Variants in NELL1 observed in about 807,000 individuals in gnomAD.
NELL1 encodes neural EGFL like 1.
In NELL1, 76 loss-of-function variants were observed where a neutral mutation model predicts 107.4. That is an observed-to-expected ratio of 0.71 (90% confidence interval 0.59 to 0.86). The LOEUF (loss-of-function observed/expected upper bound fraction) is 0.86. Among genes scored for constraint, NELL1 ranks in the 40% least tolerant of loss-of-function variants. The pLI, the probability that NELL1 is intolerant of heterozygous loss-of-function variation, is 0.00. For synonymous variants in NELL1, 353 were observed against 341.2 expected (o/e 1.03, Z -0.38); for missense variants, 1,024 against 1,005.5 (o/e 1.02, Z -0.25).
chr11:21,557,454 T>C (rs1221996402), intron 16 of NELL1, among the ~76,000 whole-genome samples: 1 of 152,020 alleles, frequency 6.6e-6, no homozygotes, highest in Non-Finnish European at 1.5e-5. Flanking sequence ...GCATTAGTTG[T>C]CAATGTAGAT....
In NELL1 at chr11:21,176,361, A is replaced by G. The variant is rs545445184; in HGVS notation, c.1427-52971A>G. Among the ~76,000 whole-genome samples, 8 of 151,896 alleles carry G rather than the reference A, an allele frequency of 5.3e-5. No individual in the cohort carries two copies. In the South Asian group the frequency reaches 1.5e-3, roughly 28 times the overall value. ...GTGAGATTGTAATGATTGAGGAGAC[A>G]TTTATTTCCAGAGCCCTCTTGTCTT... On this transcript the variant is annotated intron_variant, in intron 13 of 19. Coordinates refer to ENST00000357134, the MANE Select transcript of NELL1 (RefSeq NM_006157.5).
At chr11:21,086,490 A>G (rs1389812512) in intron 12 of NELL1, among the ~76,000 whole-genome samples, 1 of 152,150 alleles carries the variant, frequency 6.6e-6, no homozygotes, top group East Asian at 1.9e-4. Flanking sequence ...CTAAAAGATA[A>G]AATTTGGGCT....
intron 14 of NELL1, among the ~76,000 whole-genome samples, chr11:21,262,928 A>G (rs922966258): frequency 7.2e-5 from 11 of 151,824 alleles, no homozygotes; most frequent in East Asian, 5.8e-4. Flanking sequence ...TTCAATTTTT[A>G]TACTTGTCTT....
chr11:20,883,308 C>A (rs983811018), intron 4 of NELL1, among the ~76,000 whole-genome samples: 2 of 152,144 alleles, frequency 1.3e-5, no homozygotes, highest in African/African-American at 2.4e-5. Context: ...CTAAGGCACA[C>A]GGAGCTATTA....
In NELL1 at chr11:21,484,105, G is replaced by A. The variant is rs113877168; in HGVS notation, c.1646-50269G>A. Among the ~76,000 whole-genome samples, 117 of 145,128 alleles carry A rather than the reference G, an allele frequency of 8.1e-4. 1 individual carries two copies. Among genetic ancestry groups the A allele is most frequent in the African/African-American group, 2.8e-3 (110 of 39,394 alleles). ...GTTAATAGTGGTTGTCTTGAGTAGC[G>A]GAACTTAAGGATAATTTTTTTCCCA... On this transcript the variant is annotated intron_variant, in intron 15 of 19. Transcript: ENST00000357134.
At chr11:21,154,080 G>A (rs1856178150) in intron 13 of NELL1, among the ~76,000 whole-genome samples, 2 of 152,202 alleles carry the variant, frequency 1.3e-5, no homozygotes, top group South Asian at 4.1e-4. Context: ...AATGGGATTA[G>A]ACTACCCAAG....
At position 21,520,238 on chromosome 11, in the gene NELL1, A is replaced by G. The variant is rs142284454; in HGVS notation, c.1646-14136A>G. On this transcript the variant is annotated intron_variant, in intron 15 of 19. Coordinates refer to ENST00000357134, the MANE Select transcript of NELL1 (RefSeq NM_006157.5). ...TTCCTATCCTAGTAAGGGCATTCCA[A>G]TAGTTTCTGAGGAACAACCCCTTCT... 7.3e-3 allele frequency among the ~76,000 whole-genome samples: 1,113 copies of G among 152,270 alleles called. 10 individuals carry two copies. Among genetic ancestry groups the G allele is most frequent in the African/African-American group, 0.024 (1,002 of 41,556 alleles).
intron 14 of NELL1, among the ~76,000 whole-genome samples, chr11:21,261,219 CA>C (rs1358439163): frequency 6.7e-6 from 1 of 149,212 alleles, no homozygotes; most frequent in African/African-American, 2.5e-5. Flanking sequence ...ATTTCAAGGT[CA>C]GGGGTACAAG....
intron 5 of NELL1, among the ~76,000 whole-genome samples, chr11:20,912,479 G>T (rs1003918820): frequency 1.3e-5 from 2 of 152,024 alleles, no homozygotes. Flanking sequence ...AATTTCAGAG[G>T]GTGAAAAATA....
intron 14 of NELL1, among the ~76,000 whole-genome samples, chr11:21,301,182 G>A (rs1321779326): frequency 6.6e-6 from 1 of 152,098 alleles, no homozygotes; most frequent in Non-Finnish European, 1.5e-5. Context: ...CTTTGCTATT[G>A]TGAATAGTGC....
At chr11:21,565,103 ATGCTT>A (rs1186263272) in intron 17 of NELL1, among the ~76,000 whole-genome samples, 2 of 151,976 alleles carry the variant, frequency 1.3e-5, no homozygotes, top group Admixed American at 1.3e-4. Context: ...GCTCATAAAA[ATGCTT>A]TGCCTTGCTC....
At chr11:21,348,588 G>A (rs1850735580) in intron 14 of NELL1, among the ~76,000 whole-genome samples, 1 of 152,026 alleles carries the variant, frequency 6.6e-6, no homozygotes, top group Non-Finnish European at 1.5e-5. Context: ...ATTTTGGGGT[G>A]GGGTTAAAAG....
At chr11:20,785,993 G>A (rs1041603869) in intron 3 of NELL1, among the ~76,000 whole-genome samples, 2 of 151,626 alleles carry the variant, frequency 1.3e-5, no homozygotes, top group Non-Finnish European at 2.9e-5. Flanking sequence ...ATTGATAGGA[G>A]AGTCATTTGA....
At chr11:20,797,425 G>C (rs1161127538) in intron 3 of NELL1, among the ~76,000 whole-genome samples, 1 of 151,936 alleles carries the variant, frequency 6.6e-6, no homozygotes, top group Non-Finnish European at 1.5e-5. Flanking sequence ...AATTAGGTGG[G>C]CGTGGTGGCG....
chr11:21,362,304 C>T (rs1851094607), intron 14 of NELL1, among the ~76,000 whole-genome samples: 1 of 152,154 alleles, frequency 6.6e-6, no homozygotes, highest in South Asian at 2.1e-4. Flanking sequence ...ATGCTCCAGG[C>T]TGGTGGTAGA....
chr11:21,189,498 GGC>G (rs1357982125), intron 13 of NELL1, among the ~76,000 whole-genome samples: 1 of 151,600 alleles, frequency 6.6e-6, no homozygotes, highest in East Asian at 1.9e-4. Flanking sequence ...AAAAAGACAT[GGC>G]AACCTGCTCT....
At chr11:21,552,078 A>G (rs1376000635) in intron 16 of NELL1, among the ~76,000 whole-genome samples, 2 of 140,288 alleles carry the variant, frequency 1.4e-5, no homozygotes. Context: ...ATAGGTGGGA[A>G]TTGAACAATG....
In NELL1 at chr11:21,253,836, G is replaced by A. The variant is rs149347280; in HGVS notation, c.1549+24382G>A. Among the ~76,000 whole-genome samples, 198 of 152,220 alleles carry A rather than the reference G, an allele frequency of 1.3e-3. 3 individuals carry two copies. In the Middle Eastern group the frequency reaches 0.014, roughly 10 times the overall value. On this transcript the variant is annotated intron_variant, in intron 14 of 19. Coordinates refer to ENST00000357134, the MANE Select transcript of NELL1 (RefSeq NM_006157.5). ...GCCATTGAAGAGATTATAATTTTGTGAGGGCTATAAACAAGCAAATCAAGG... is the reference window on the plus strand; with the variant it reads ...GCCATTGAAGAGATTATAATTTTGTAAGGGCTATAAACAAGCAAATCAAGG...
chr11:21,166,787 G>A (rs1308154917), intron 13 of NELL1, among the ~76,000 whole-genome samples: 1 of 151,938 alleles, frequency 6.6e-6, no homozygotes, highest in African/African-American at 2.4e-5. Context: ...AATAATAAAT[G>A]TACAGATGAA....
Sources: allele counts gnomAD v4.1 joint callset (sites outside exome capture counted in the v4.1 genomes callset), GRCh38; gene constraint gnomAD v4.1.1; transcripts MANE v1.5; gene names NCBI Gene and HGNC (gene_info 2026-07-23, HGNC 2026-07-21).